The following ENTREP2 variants were observed in gnomAD, a reference collection of about 807,000 sequenced individuals.
The protein encoded by ENTREP2 is protein ENTREP2.
At chr15:29,344,920 G>A in the ENTREP2 span, among the ~76,000 whole-genome samples, 4 of 138,174 alleles carry the variant, frequency 2.9e-5, no homozygotes, top group East Asian at 4.1e-4. Context: ...GATTAAACAC[G>A]CACGCGCGCA....
At chr15:29,145,660 G>A in the ENTREP2 span, among the ~76,000 whole-genome samples, 2 of 143,090 alleles carry the variant, frequency 1.4e-5, no homozygotes, top group Non-Finnish European at 3.0e-5. Context: ...CAACAAACTA[G>A]GAATAGAAGG....
chr15:29,339,568 G>C, the ENTREP2 span, among the ~76,000 whole-genome samples: 3 of 152,226 alleles, frequency 2.0e-5, no homozygotes, highest in Non-Finnish European at 4.4e-5. Flanking sequence ...TCAATCATTA[G>C]ATCTGAACTA....
the ENTREP2 span, among the ~76,000 whole-genome samples, chr15:29,367,475 CT>C: frequency 6.6e-6 from 1 of 152,170 alleles, no homozygotes; most frequent in African/African-American, 2.4e-5. Flanking sequence ...TTGCAGCTGC[CT>C]AATCAGTAGA....
At chr15:29,572,419 G>A in the ENTREP2 span, among the ~76,000 whole-genome samples, 1 of 152,136 alleles carries the variant, frequency 6.6e-6, no homozygotes, top group Non-Finnish European at 1.5e-5. Context: ...ACAATACAAG[G>A]CATGACCCTG....
At chr15:29,234,817 A>T in the ENTREP2 span, 1 of 1,450,312 alleles carries the variant, frequency 6.9e-7, no homozygotes, top group South Asian at 1.1e-5. Flanking sequence ...TCTGTTTATC[A>T]TTTGTGCAAG....
chr15:29,488,956 C>T, the ENTREP2 span, among the ~76,000 whole-genome samples: 1 of 152,102 alleles, frequency 6.6e-6, no homozygotes, highest in Non-Finnish European at 1.5e-5. Context: ...CTTCCAGGGG[C>T]TAGGAGAGGG....
At chr15:29,670,522 G>T in the ENTREP2 span, among the ~76,000 whole-genome samples, 1 of 152,118 alleles carries the variant, frequency 6.6e-6, no homozygotes, top group African/African-American at 2.4e-5. Context: ...CACTTAAGAG[G>T]TTGTTGGGCT....
At chr15:29,632,779 A>G in the ENTREP2 span, among the ~76,000 whole-genome samples, 2 of 152,192 alleles carry the variant, frequency 1.3e-5, no homozygotes, top group South Asian at 4.1e-4. Context: ...CCCAAGAGCA[A>G]GCCGCAAAGG....
At chr15:29,161,083 C>A in the ENTREP2 span, among the ~76,000 whole-genome samples, 1 of 152,260 alleles carries the variant, frequency 6.6e-6, no homozygotes, top group African/African-American at 2.4e-5. Context: ...CCTGACGTTC[C>A]GTGCAGATCT....
At chr15:29,612,769 C>G in the ENTREP2 span, 1 of 176,744 alleles carries the variant, frequency 5.7e-6, no homozygotes, top group Non-Finnish European at 1.2e-5. Flanking sequence ...CCTGGTGGAT[C>G]CAGAACCTGG....
At chr15:29,231,156 A>G in the ENTREP2 span, among the ~76,000 whole-genome samples, 1 of 152,296 alleles carries the variant, frequency 6.6e-6, no homozygotes, top group East Asian at 1.9e-4. Flanking sequence ...ATCTAATTAG[A>G]TACATTTTCC....
chr15:29,381,407 G>C, the ENTREP2 span, among the ~76,000 whole-genome samples: 1 of 125,252 alleles, frequency 8.0e-6, no homozygotes, highest in African/African-American at 3.1e-5. Context: ...AGTGAGCCGA[G>C]ATCATGCCAT....
the ENTREP2 span, among the ~76,000 whole-genome samples, chr15:29,382,367 T>C: frequency 6.6e-6 from 1 of 151,976 alleles, no homozygotes; most frequent in African/African-American, 2.4e-5. Flanking sequence ...ACCCTGGGCA[T>C]GGCAGACCCT....
chr15:29,244,573 A>C, the ENTREP2 span, among the ~76,000 whole-genome samples: 4 of 152,214 alleles, frequency 2.6e-5, no homozygotes, highest in Admixed American at 2.6e-4. Flanking sequence ...GGCTGTGGTC[A>C]TCTCATGTGC....
chr15:29,386,330 T>C, the ENTREP2 span, among the ~76,000 whole-genome samples: 1 of 152,174 alleles, frequency 6.6e-6, no homozygotes, highest in South Asian at 2.1e-4. Context: ...GCCGTGGAGA[T>C]GGAGCCCCAA....
At chr15:29,673,569 T>C in the ENTREP2 span, among the ~76,000 whole-genome samples, 1 of 152,214 alleles carries the variant, frequency 6.6e-6, no homozygotes, top group African/African-American at 2.4e-5. Flanking sequence ...GGCCTTACCA[T>C]AGTGAGTTTA....
At chr15:29,442,865 C>G in the ENTREP2 span, among the ~76,000 whole-genome samples, 1 of 152,226 alleles carries the variant, frequency 6.6e-6, no homozygotes, top group Non-Finnish European at 1.5e-5. Flanking sequence ...TAAAACCACA[C>G]ACTTGATCTG....
At chr15:29,494,157 A>C in the ENTREP2 span, among the ~76,000 whole-genome samples, 1 of 152,126 alleles carries the variant, frequency 6.6e-6, no homozygotes, top group African/African-American at 2.4e-5. Context: ...AAATTCAAAA[A>C]CATATACAAA....
the ENTREP2 span, among the ~76,000 whole-genome samples, chr15:29,407,060 C>T: frequency 6.6e-6 from 1 of 152,314 alleles, no homozygotes; most frequent in South Asian, 2.1e-4. Context: ...AACAACGGAG[C>T]TATGTTCTGA....
Sources: gnomAD v4.1 joint callset for allele counts (sites outside exome capture counted in the v4.1 genomes callset) on GRCh38, gnomAD v4.1.1 for gene constraint, MANE v1.5 for transcripts, NCBI Gene and HGNC (gene_info 2026-07-23, HGNC 2026-07-21) for gene names.